The following MRC2 variants were observed in gnomAD, a reference collection of about 807,000 sequenced individuals.
MRC2 encodes the protein mannose receptor C-type 2.
MRC2 carries 84 observed loss-of-function variants against 206.2 expected under a neutral mutation model. The observed-to-expected ratio is 0.41, with a 90% CI of 0.34 to 0.49. MRC2 has a LOEUF of 0.49. MRC2 is among the 20% of genes least tolerant of loss of function. The probability of loss-of-function intolerance (pLI) is 0.31; values close to 1 mark genes in which losing one functional copy is unlikely to be tolerated. For missense variants in MRC2, 1,676 were observed against 2,001.5 expected (o/e 0.84, Z 3.10); for synonymous variants, 798 against 800.0 (o/e 1.00, Z 0.04).
At chr17:62,679,704 GC>G in intron 13 of MRC2, 95 bp from the exon 14 acceptor site, 2 of 1,198,214 alleles carry the variant, frequency 1.7e-6, no homozygotes, top group Non-Finnish European at 2.4e-6. Context: ...CCTGGGGGCT[GC>G]CCCGGTCACA....
chr17:62,635,054 C>T (rs1478781564), intron 1 of MRC2, among the ~76,000 whole-genome samples: 1 of 151,902 alleles, frequency 6.6e-6, no homozygotes, highest in Admixed American at 6.6e-5. Context: ...GGGTCTTGAA[C>T]TCCTGACCTC....
intron 6 of MRC2, among the ~76,000 whole-genome samples, chr17:62,669,923 G>C (rs922634671): frequency 6.6e-6 from 1 of 152,182 alleles, no homozygotes; most frequent in Non-Finnish European, 1.5e-5. Flanking sequence ...AGCTTGAAAC[G>C]TCAGCAACCC....
chr17:62,671,722 G>C lies in MRC2; in HGVS notation c.1191G>C (p.Gln397His). The C allele has an allele frequency of 6.2e-7, 1 of 1,612,994 alleles. No homozygotes were observed. Among genetic ancestry groups the C allele is most frequent in the Non-Finnish European group, 8.5e-7 (1 of 1,179,562 alleles). The change falls in exon 7 of 30, where the codon CAG (glutamine) becomes CAC (histidine). Residue 397 changes from glutamine (Q) to histidine (H), a missense_variant. By Grantham distance (24) the Gln-to-His change is conservative (BLOSUM62 0). Transcript: ENST00000303375. The surrounding 1 kb of genome is among the most constrained non-coding windows in gnomAD (Gnocchi z 4.5). ...QPFQGHCYRL[Q>H]AEKRSWQESK... The stretch of plus-strand genomic sequence containing the variant: ...TCCAGGGCCACTGCTACCGCCTGCA[G>C]GCCGAGAAGCGCAGCTGGCAGGAGT...
chr17:62,675,553 G>A lies in MRC2; in HGVS notation c.1570-237G>A, dbSNP rs550814688. ...GTCACTGGCCGGTCGCTGGTGGCCT[G>A]CCAATCAGCCACGCTGGGGCTGGGC... On this transcript the variant is annotated intron_variant, in intron 9 of 29. Coordinates refer to ENST00000303375, the MANE Select transcript of MRC2 (RefSeq NM_006039.5). This position sits in a 1 kb window ranked among gnomAD's most constrained non-coding sequence, Gnocchi z 4.1. Among the ~76,000 whole-genome samples the A allele has an allele frequency of 2.9e-4, 44 of 152,332 alleles. No homozygotes were observed. The highest frequency in any genetic ancestry group is 2.5e-3 in the Admixed American group (39 of 15,304).
At chr17:62,691,905 C>T (rs1458047567) in intron 28 of MRC2, among the ~76,000 whole-genome samples, 2 of 152,148 alleles carry the variant, frequency 1.3e-5, no homozygotes, top group East Asian at 3.9e-4. Flanking sequence ...CTGAGTGCAG[C>T]ATGGCGTTTT....
rs1192894434 is a variant in MRC2, at chr17:62,664,486, G to C, written c.119-62G>C. On this transcript the variant is annotated intron_variant, in intron 1 of 29. Transcript: ENST00000303375. The surrounding 1 kb of genome is among the most constrained non-coding windows in gnomAD (Gnocchi z 4.7). Reference sequence around the variant, plus strand: ...ATGGTAGGTGCCTGTCAGCCACACCGGTCATCAAGGGCCAACCAGGAGAGC... The same window carrying C: ...ATGGTAGGTGCCTGTCAGCCACACCCGTCATCAAGGGCCAACCAGGAGAGC... 1 of 1,535,762 alleles carries C rather than the reference G, an allele frequency of 6.5e-7. No individual in the cohort carries two copies. The highest frequency in any genetic ancestry group is 8.8e-7 in the Non-Finnish European group (1 of 1,139,116).
In MRC2 at chr17:62,691,097, C is replaced by A; in HGVS notation, c.4161C>A (p.Ile1387=). 6.2e-7 allele frequency: 1 copy of A among 1,609,690 alleles called. No individual in the cohort carries two copies. Residue 1387 remains isoleucine, a synonymous_variant, in exon 28 of 30, where the codon ATC becomes ATA. Coordinates refer to ENST00000303375, the MANE Select transcript of MRC2 (RefSeq NM_006039.5). Reference sequence around the variant, plus strand: ...GGCGCCCCGGCGCTTGCACCAACATCACCATGGGTGTCGTCTGCAAGCTTC... The same window carrying A: ...GGCGCCCCGGCGCTTGCACCAACATAACCATGGGTGTCGTCTGCAAGCTTC... ...GLWRPGACTN[I]TMGVVCKLPR...
At chr17:62,674,288 C>T (rs1020241637) in intron 9 of MRC2, 118 bp downstream of exon 9, 1 of 702,430 alleles carries the variant, frequency 1.4e-6, no homozygotes, top group African/African-American at 1.8e-5. Flanking sequence ...GTCGGCACCC[C>T]CTTCCCTGAG....
At position 62,680,908 on chromosome 17, in the gene MRC2, C is replaced by G; in HGVS notation, c.2582C>G (p.Thr861Ser). 1 of 1,613,254 alleles carries G rather than the reference C, an allele frequency of 6.2e-7. No homozygotes were observed. Among genetic ancestry groups the G allele is most frequent in the South Asian group, 1.1e-5 (1 of 91,080 alleles). The change falls in exon 17 of 30, where the codon ACC (threonine) becomes AGC (serine). Residue 861 changes from threonine to serine, a missense_variant. Physicochemically the swap from Thr to Ser is moderately conservative, Grantham distance 58. Around this residue, in one of 3 missense-constraint regions of MRC2, gnomAD observed 1,354 missense variants for 1,636.6 expected, o/e 0.83. Transcript: ENST00000303375. The surrounding 1 kb of genome is among the most constrained non-coding windows in gnomAD (Gnocchi z 4.8). Reference sequence around the variant, plus strand: ...TGCACGTGGTTCCAGGCCGAGCTGACCTCGGTGCACAGCCAGGCGGAGCTA... The same window carrying G: ...TGCACGTGGTTCCAGGCCGAGCTGAGCTCGGTGCACAGCCAGGCGGAGCTA... ...RICTWFQAEL[T>S]SVHSQAELDF...
At chr17:62,661,002 C>T (rs1472614041) in intron 1 of MRC2, among the ~76,000 whole-genome samples, 1 of 152,112 alleles carries the variant, frequency 6.6e-6, no homozygotes, top group Non-Finnish European at 1.5e-5. Context: ...GGTCACTTTA[C>T]GATTGGGAGG....
chr17:62,660,978 T>C (rs1360623957), intron 1 of MRC2, among the ~76,000 whole-genome samples: 1 of 152,186 alleles, frequency 6.6e-6, no homozygotes, highest in Non-Finnish European at 1.5e-5. Context: ...AGTGATATGA[T>C]AGAGAGTAAC....
intron 1 of MRC2, among the ~76,000 whole-genome samples, chr17:62,647,089 A>G (rs1039542032): frequency 1.3e-5 from 2 of 152,296 alleles, no homozygotes; most frequent in African/African-American, 4.8e-5. Flanking sequence ...TGGACACCCA[A>G]CTTTAAGAAC....
rs1307674169 is a variant in MRC2, at chr17:62,680,137, C to T, written c.2299-33C>T. 6.2e-7 allele frequency: 1 copy of T among 1,613,500 alleles called. No individual in the cohort carries two copies. The highest frequency in any genetic ancestry group is 1.7e-5 in the Admixed American group (1 of 59,986). On this transcript the variant is annotated intron_variant, in intron 14 of 29. Transcript: ENST00000303375. This position sits in a 1 kb window ranked among gnomAD's most constrained non-coding sequence, Gnocchi z 4.8. ...TGGGGGCGGCCTGCACCTTGCGCCT[C>T]ACGTTCCTCTTCCCTCCACCCGCCT...
intron 1 of MRC2, among the ~76,000 whole-genome samples, chr17:62,651,403 C>T (rs553768187): frequency 6.6e-6 from 1 of 151,724 alleles, no homozygotes; most frequent in Admixed American, 6.6e-5. Flanking sequence ...TTCACAAGCT[C>T]AGACTCATGC....
chr17:62,637,096 C>T (rs1329041990), intron 1 of MRC2, among the ~76,000 whole-genome samples: 2 of 152,192 alleles, frequency 1.3e-5, no homozygotes, highest in Admixed American at 1.3e-4. Context: ...GGCTCGGTGA[C>T]TCATGCCTGT....
In MRC2 at chr17:62,645,521, A is replaced by ATTT. The variant is rs2088469843; in HGVS notation, c.118+17602_118+17603insTTT. 9.0e-4 allele frequency among the ~76,000 whole-genome samples: 41 copies of ATTT among 45,552 alleles called. 2 individuals are homozygous for ATTT. Among genetic ancestry groups the ATTT allele is most frequent in the Non-Finnish European group, 1.5e-3 (34 of 23,442 alleles). The allele number at this position is 45,552 out of a possible 152,430, so 29.9% of individuals were successfully genotyped here. A position where few individuals can be genotyped will look rare whatever the true frequency, so the allele number is the denominator to read the frequency against. ...ATTATATATATATATATATATATATATATATATTTTTTTTTTTTTTTTTTT... is the reference window on the plus strand; with the variant it reads ...ATTATATATATATATATATATATATATTTTATATATTTTTTTTTTTTTTTTTTT... On this transcript the variant is annotated intron_variant, in intron 1 of 29. Transcript: ENST00000303375.
Position 62,627,679 on chromosome 17 carries a change from T to A in MRC2, c.-124T>A, listed in dbSNP as rs1357683455. 4.5e-6 allele frequency: 3 copies of A among 659,354 alleles called. No individual in the cohort carries two copies. Among genetic ancestry groups the A allele is most frequent in the Non-Finnish European group, 6.7e-6 (3 of 447,960 alleles). The allele number at this position is 659,354 out of a possible 1,614,324, so 40.8% of individuals were successfully genotyped here. ...CTCCTCCCCGGGAGGCATCACTTCG[T>A]CCCGACCCGGAGGAGGACGCGAGCC... On this transcript the variant is annotated 5_prime_UTR_variant, in exon 1 of 30. Coordinates refer to ENST00000303375, the MANE Select transcript of MRC2 (RefSeq NM_006039.5).
At chr17:62,636,837 G>C (rs1418710301) in intron 1 of MRC2, among the ~76,000 whole-genome samples, 2 of 151,980 alleles carry the variant, frequency 1.3e-5, no homozygotes, top group Non-Finnish European at 2.9e-5. Context: ...GAACTTCTGG[G>C]CTCATGCGAT....
intron 1 of MRC2, among the ~76,000 whole-genome samples, chr17:62,650,532 G>C (rs916081874): frequency 1.3e-5 from 2 of 152,188 alleles, no homozygotes; most frequent in African/African-American, 4.8e-5. Context: ...GTCCGCTCTG[G>C]AATAAGTCTG....
Sources: allele counts gnomAD v4.1 joint callset (sites outside exome capture counted in the v4.1 genomes callset), GRCh38; gene constraint gnomAD v4.1.1; regional missense constraint gnomAD v4.1.1; non-coding constraint Gnocchi (gnomAD v3.1); transcripts MANE v1.5; gene names NCBI Gene and HGNC (gene_info 2026-07-23, HGNC 2026-07-21).